The following KCNQ3 variants were observed in gnomAD, a reference collection of about 807,000 sequenced individuals.
KCNQ3 encodes the protein potassium voltage-gated channel subfamily Q member 3, also known as potassium voltage-gated channel subfamily KQT member 3.
In KCNQ3, 30 loss-of-function variants were observed where a neutral mutation model predicts 92.5. That is an observed-to-expected ratio of 0.32 (90% CI 0.24 to 0.44). KCNQ3 has a LOEUF of 0.44. KCNQ3 is among the 20% of genes least tolerant of loss of function. The pLI is 1.00. For synonymous variants in KCNQ3, 450 were observed against 468.8 expected (o/e 0.96, Z 0.52); for missense variants, 913 against 1,140.3 (o/e 0.80, Z 2.87).
intron 1 of KCNQ3, among the ~76,000 whole-genome samples, chr8:132,435,624 G>C (rs1821373026): frequency 6.6e-6 from 1 of 152,344 alleles, no homozygotes; most frequent in African/African-American, 2.4e-5. Context: ...CCTAGACCGA[G>C]TAGTGAACAG....
chr8:132,380,228 G>C (rs1586971083), intron 1 of KCNQ3, among the ~76,000 whole-genome samples: 1 of 152,134 alleles, frequency 6.6e-6, no homozygotes, highest in Non-Finnish European at 1.5e-5. Context: ...CCGGCACACA[G>C]CTGGGCATCA....
chr8:132,305,226 A>T (rs1342276439), intron 1 of KCNQ3, among the ~76,000 whole-genome samples: 1 of 152,256 alleles, frequency 6.6e-6, no homozygotes, highest in Non-Finnish European at 1.5e-5. Context: ...AAATTAGCTC[A>T]AAACATTCTT....
intron 1 of KCNQ3, among the ~76,000 whole-genome samples, chr8:132,458,674 C>T (rs1821997246): frequency 6.6e-6 from 1 of 152,184 alleles, no homozygotes; most frequent in Admixed American, 6.5e-5. Flanking sequence ...AAGCTGGTCT[C>T]GAACTCCTGA....
At chr8:132,360,897 G>C (rs995101875) in intron 1 of KCNQ3, among the ~76,000 whole-genome samples, 2 of 152,224 alleles carry the variant, frequency 1.3e-5, no homozygotes, top group African/African-American at 4.8e-5. Flanking sequence ...ATGGAGGAAA[G>C]AAGACAGGGA....
chr8:132,232,863 A>T (rs1248609247), intron 1 of KCNQ3, among the ~76,000 whole-genome samples: 1 of 152,176 alleles, frequency 6.6e-6, no homozygotes, highest in Non-Finnish European at 1.5e-5. Context: ...GTTTTTCCTC[A>T]TAAAAAGGTC....
intron 1 of KCNQ3, among the ~76,000 whole-genome samples, chr8:132,419,253 C>T (rs978057089): frequency 1.3e-5 from 2 of 152,206 alleles, no homozygotes; most frequent in Admixed American, 1.3e-4. Context: ...CAGCACCTTT[C>T]ATCCTCTCAA....
At chr8:132,411,778 G>A (rs1337121838) in intron 1 of KCNQ3, among the ~76,000 whole-genome samples, 1 of 152,108 alleles carries the variant, frequency 6.6e-6, no homozygotes, top group Non-Finnish European at 1.5e-5. Flanking sequence ...AACAACTGAG[G>A]GACTTTTCAT....
Position 132,127,505 on chromosome 8 carries a change from C to T in KCNQ3, c.*1757G>A, listed in dbSNP as rs1454846111. 3 of 152,206 alleles carry T rather than the reference C, an allele frequency of 2.0e-5. No individual in the cohort carries two copies. In the East Asian group the frequency reaches 5.8e-4, roughly 29 times the overall value. The allele number at this position is 152,206 out of a possible 1,614,324, so 9.4% of individuals were successfully genotyped here. A position where few individuals can be genotyped will look rare whatever the true frequency, so the allele number is the denominator to read the frequency against. On this transcript the variant is annotated 3_prime_UTR_variant, in exon 15 of 15. Transcript: ENST00000388996. Reference sequence around the variant, plus strand: ...CCTCTCTCCAACATAGTGCCAGACTCTCGTATTAGGAAATGATGAAACCAT... The same window carrying T: ...CCTCTCTCCAACATAGTGCCAGACTTTCGTATTAGGAAATGATGAAACCAT...
chr8:132,236,156 C>A (rs1203628460), intron 1 of KCNQ3, among the ~76,000 whole-genome samples: 1 of 152,234 alleles, frequency 6.6e-6, no homozygotes, highest in African/African-American at 2.4e-5. Context: ...CTATTCTACT[C>A]TTGTTAACTC....
chr8:132,129,725 T>A lies in KCNQ3; in HGVS notation c.2156A>T (p.Asn719Ile), dbSNP rs1267446734. Reference sequence around the variant, plus strand: ...AGAACTGGGTCCCCCTCGGGGCAGGTTCACAGGGTCATGTGCAAAAAACCC... The same window carrying A: ...AGAACTGGGTCCCCCTCGGGGCAGGATCACAGGGTCATGTGCAAAAAACCC... ...PYGFFAHDPV[N>I]LPRGGPSSGK... Residue 719 changes from asparagine to isoleucine, a missense_variant, in exon 15 of 15, where the codon AAC becomes ATC. Transcript: ENST00000388996. The surrounding 1 kb of genome is among the most constrained non-coding windows in gnomAD (Gnocchi z 5.9). 6.2e-7 allele frequency: 1 copy of A among 1,614,016 alleles called. No individual in the cohort carries two copies. The highest frequency in any genetic ancestry group is 2.2e-5 in the East Asian group (1 of 44,874).
At chr8:132,278,868 T>A (rs980469876) in intron 1 of KCNQ3, among the ~76,000 whole-genome samples, 1 of 152,192 alleles carries the variant, frequency 6.6e-6, no homozygotes, top group Non-Finnish European at 1.5e-5. Context: ...AAAAGCTAGA[T>A]GCCTGGTCCT....
intron 1 of KCNQ3, among the ~76,000 whole-genome samples, chr8:132,434,177 C>T (rs1477842742): frequency 6.8e-6 from 1 of 146,662 alleles, no homozygotes; most frequent in African/African-American, 2.5e-5. Flanking sequence ...CACTGCACTC[C>T]AGCCTGGGTG....
chr8:132,478,910 A>T (rs1460797310), intron 1 of KCNQ3, among the ~76,000 whole-genome samples: 2 of 150,740 alleles, frequency 1.3e-5, no homozygotes, highest in African/African-American at 4.9e-5. Context: ...TTCCGACCAC[A>T]TCAGTCATGG....
chr8:132,461,421 C>T (rs985308548), intron 1 of KCNQ3, among the ~76,000 whole-genome samples: 21 of 152,178 alleles, frequency 1.4e-4, no homozygotes, highest in African/African-American at 3.4e-4. Context: ...AAAAACTAGC[C>T]GGGCGTGGTG....
At chr8:132,358,526 A>C (rs187327660) in intron 1 of KCNQ3, among the ~76,000 whole-genome samples, 37 of 152,306 alleles carry the variant, frequency 2.4e-4, no homozygotes, top group African/African-American at 7.7e-4. Flanking sequence ...AGAATTCTAT[A>C]ATCATCATCA....
chr8:132,424,436 G>T (rs1346053154), intron 1 of KCNQ3, among the ~76,000 whole-genome samples: 3 of 152,188 alleles, frequency 2.0e-5, no homozygotes, highest in Non-Finnish European at 4.4e-5. Context: ...TTCGACAGAT[G>T]AGGAAACTGA....
At chr8:132,471,106 C>A (rs951765024) in intron 1 of KCNQ3, among the ~76,000 whole-genome samples, 1 of 152,110 alleles carries the variant, frequency 6.6e-6, no homozygotes, top group Non-Finnish European at 1.5e-5. Context: ...TTGAGAGGCC[C>A]GGCTACTCAA....
intron 1 of KCNQ3, among the ~76,000 whole-genome samples, chr8:132,367,475 GCTTTC>G: frequency 6.6e-6 from 1 of 152,330 alleles, no homozygotes; most frequent in South Asian, 2.1e-4. Flanking sequence ...GGCGGGCTTT[GCTTTC>G]AAGATCTTAG....
In KCNQ3 at chr8:132,398,995, A is replaced by G. The variant is rs143395484; in HGVS notation, c.386+81152T>C. 5.6e-3 allele frequency among the ~76,000 whole-genome samples: 856 copies of G among 152,342 alleles called. 9 individuals carry two copies. The highest frequency in any genetic ancestry group is 0.019 in the African/African-American group (790 of 41,572). On this transcript the variant is annotated intron_variant, in intron 1 of 14. Transcript: ENST00000388996. ...CACCATGCTTGCATGTACCTAAGAC[A>G]AATTCAGTGCAGCCATATGTCAAGT...
Sources: gnomAD v4.1 joint callset for allele counts (sites outside exome capture counted in the v4.1 genomes callset) on GRCh38, gnomAD v4.1.1 for gene constraint, Gnocchi (gnomAD v3.1) non-coding constraint, MANE v1.5 for transcripts, NCBI Gene and HGNC (gene_info 2026-07-23, HGNC 2026-07-21) for gene names.